The following RDH14 variants were observed in gnomAD, a reference collection of about 807,000 sequenced individuals.
RDH14 encodes the protein retinol dehydrogenase 14.
Under a neutral mutation model 19.3 loss-of-function variants are expected in RDH14, and 17 were observed. The ratio of observed to expected loss-of-function variants is 0.88; its 90% CI spans 0.60 to 1.32. RDH14 has a LOEUF of 1.32. Among genes scored for constraint, RDH14 ranks in the 40% most tolerant of loss-of-function variants. The pLI is 0.00. For missense variants in RDH14, 534 were observed against 449.2 expected (o/e 1.19, Z -1.71); for synonymous variants, 215 against 188.9 (o/e 1.14, Z -1.13).
chr2:18,555,935 G>T, intron 1 of RDH14, 127 bp from the exon 2 acceptor site: 1 of 1,441,444 alleles, frequency 6.9e-7, no homozygotes. Flanking sequence ...AATTTCAGTT[G>T]TTGGTCTATC....
Position 18,555,444 on chromosome 2 carries a change from T to C in RDH14, c.758A>G (p.Asn253Ser). 6.2e-7 allele frequency: 1 copy of C among 1,614,148 alleles called. No homozygotes were observed. The highest frequency in any genetic ancestry group is 8.5e-7 in the Non-Finnish European group (1 of 1,180,002). ...TGGAATGTGTATGTGCCTCCCCAGA[T>C]TTGTCCGTACAATACCAGGATGCAA... is the stretch of plus-strand genomic sequence containing the variant. ...NVLHPGIVRTNLGRHIHIPLL... is the reference protein window; with the variant it reads ...NVLHPGIVRTSLGRHIHIPLL... The change falls in exon 2 of 2, where the codon AAT becomes AGT. Residue 253 changes from asparagine to serine, a missense_variant. Physicochemically the swap from Asn to Ser is conservative, Grantham distance 46. Transcript: ENST00000381249.
In RDH14 at chr2:18,560,553, G is replaced by A. The variant is rs1311285433; in HGVS notation, c.20C>T (p.Ala7Val). The stretch of plus-strand genomic sequence containing the variant: ...CCCGCCCAGAGCGGCCAGTACTGCC[G>A]CCGCAGTGGCCACTGCCATCGTCAG... MAVATA[A>V]AVLAALGGAL... The change falls in exon 1 of 2, where the codon GCG (alanine) becomes GTG (valine). Residue 7 changes from alanine to valine, a missense_variant. Coordinates refer to ENST00000381249, the MANE Select transcript of RDH14 (RefSeq NM_020905.4). The A allele has an allele frequency of 1.3e-6, 2 of 1,493,616 alleles. No homozygotes were observed. Among genetic ancestry groups the A allele is most frequent in the African/African-American group, 1.5e-5 (1 of 68,670 alleles). The allele number at this position is 1,493,616 out of a possible 1,614,324, so 92.5% of individuals were successfully genotyped here.
rs1172931056 is a variant in RDH14 at position 18,555,196 on chromosome 2, T to G, written c.1006A>C (p.Lys336Gln). The G allele has an allele frequency of 3.7e-6, 6 of 1,612,776 alleles. No homozygotes were observed. Residue 336 changes from lysine (K) to glutamine (Q), a missense_variant, in exon 2 of 2, where the codon AAA (lysine) becomes CAA (glutamine). By Grantham distance (53) the Lys-to-Gln change is moderately conservative (BLOSUM62 1). Coordinates refer to ENST00000381249, the MANE Select transcript of RDH14 (RefSeq NM_020905.4). ...AGCTCTTTTACTCCTTGTTCCTATT[T>G]TAGCAGGCCAACCATCACTTCACTG... Reference protein sequence around the residue: ...DISEVMVGLLK With the variant: ...DISEVMVGLLQ
intron 1 of RDH14, among the ~76,000 whole-genome samples, chr2:18,556,548 T>A (rs1289560774): frequency 6.6e-6 from 1 of 152,168 alleles, no homozygotes; most frequent in Admixed American, 6.5e-5. Flanking sequence ...TGTCACCACA[T>A]CTAATTCCAA....
Position 18,554,999 on chromosome 2 carries a change from C to T in RDH14, c.*192G>A, listed in dbSNP as rs1663868997. ...TTATACTTACTATATATATTTAAAA[C>T]ATCTTTGCTGAAATTCTCTTATCCC... On this transcript the variant is annotated 3_prime_UTR_variant, in exon 2 of 2. Transcript: ENST00000381249. 1.4e-6 allele frequency: 1 copy of T among 690,812 alleles called. No individual in the cohort carries two copies. Among genetic ancestry groups the T allele is most frequent in the South Asian group, 2.4e-5 (1 of 40,910 alleles). 42.8% of individuals were successfully genotyped at this position (690,812 alleles called of 1,614,324 possible).
At chr2:18,559,152 A>T (rs1016402944) in intron 1 of RDH14, among the ~76,000 whole-genome samples, 1 of 152,238 alleles carries the variant, frequency 6.6e-6, no homozygotes, top group Non-Finnish European at 1.5e-5. Flanking sequence ...TACGTCATAT[A>T]GGCACCTTTC....
chr2:18,554,918 C>T lies in RDH14; in HGVS notation c.*273G>A, dbSNP rs1282279424. 3.1e-6 allele frequency: 1 copy of T among 319,390 alleles called. No homozygotes were observed. Among genetic ancestry groups the T allele is most frequent in the Non-Finnish European group, 5.7e-6 (1 of 176,928 alleles). The allele number at this position is 319,390 out of a possible 1,614,324, so 19.8% of individuals were successfully genotyped here. A position where few individuals can be genotyped will look rare whatever the true frequency, so the allele number is the denominator to read the frequency against. ...GACAAATATTAATATGTCATCCATG[C>T]TTGCCCAGTTATAATTTTACAATAT... is the stretch of plus-strand genomic sequence containing the variant. On this transcript the variant is annotated 3_prime_UTR_variant, in exon 2 of 2. Transcript: ENST00000381249.
intron 1 of RDH14, among the ~76,000 whole-genome samples, chr2:18,559,012 C>A (rs1263484107): frequency 6.6e-6 from 1 of 152,180 alleles, no homozygotes; most frequent in Non-Finnish European, 1.5e-5. Context: ...GGTTCTGCCA[C>A]GGGTGCATCC....
In RDH14 at chr2:18,560,577, A is replaced by T; in HGVS notation, c.-5T>A. The stretch of plus-strand genomic sequence containing the variant: ...CGCCGCAGTGGCCACTGCCATCGTC[A>T]GGCCCGAGGGCCCACCGGCCCCTCC... On this transcript the variant is annotated 5_prime_UTR_variant, in exon 1 of 2. Transcript: ENST00000381249. 6.9e-7 allele frequency: 1 copy of T among 1,448,130 alleles called. No homozygotes were observed. The highest frequency in any genetic ancestry group is 9.0e-7 in the Non-Finnish European group (1 of 1,112,188). The allele number at this position is 1,448,130 out of a possible 1,614,324, so 89.7% of individuals were successfully genotyped here.
chr2:18,560,493 G>C lies in RDH14; in HGVS notation c.80C>G (p.Pro27Arg), dbSNP rs527352838. 2 of 1,514,640 alleles carry C rather than the reference G, an allele frequency of 1.3e-6. No homozygotes were observed. The highest frequency in any genetic ancestry group is 2.4e-5 in the South Asian group (2 of 82,326). The allele number at this position is 1,514,640 out of a possible 1,614,324, so 93.8% of individuals were successfully genotyped here. Residue 27 changes from proline to arginine, a missense_variant, in exon 1 of 2, where the codon CCC becomes CGC. By Grantham distance (103) the Pro-to-Arg change is moderately radical (BLOSUM62 -2). Transcript: ENST00000381249. Reference protein sequence around the residue: ...LWLAARRFVGPRVQRLRRGGD... With the variant: ...LWLAARRFVGRRVQRLRRGGD... ...GCCTCTGCGCAGCCGCTGGACCCTG[G>C]GCCCCACGAACCGGCGGGCCGCCAG...
intron 1 of RDH14, among the ~76,000 whole-genome samples, chr2:18,558,092 T>C (rs189558670): frequency 4.1e-4 from 62 of 152,320 alleles, no homozygotes; most frequent in African/African-American, 1.4e-3. Context: ...CTATATTCCT[T>C]TCAATGACAT....
chr2:18,560,526 GC>G lies in RDH14; in HGVS notation c.46del (p.Ala16ArgfsTer32). Reference sequence around the variant, plus strand: ...GAACCGGCGGGCCGCCAGCCACAGCGCCCCGCCCAGAGCGGCCAGTACTGCC... The same window carrying G: ...GAACCGGCGGGCCGCCAGCCACAGCGCCCGCCCAGAGCGGCCAGTACTGCC... The part of the protein sequence containing the change: ...AAAVLAALGG[A>X]LWLAARRFVG... On this transcript the variant is annotated frameshift_variant, in exon 1 of 2. Transcript: ENST00000381249. LOFTEE classifies it high-confidence loss of function. The G allele has an allele frequency of 6.6e-7, 1 of 1,508,930 alleles. No individual in the cohort carries two copies. The highest frequency in any genetic ancestry group is 2.1e-5 in the Admixed American group (1 of 48,378). 93.5% of individuals were successfully genotyped at this position (1,508,930 alleles called of 1,614,324 possible).
intron 1 of RDH14, among the ~76,000 whole-genome samples, chr2:18,556,900 AG>A (rs1281998008): frequency 6.6e-6 from 1 of 152,222 alleles, no homozygotes; most frequent in African/African-American, 2.4e-5. Context: ...TTTCCTTAAA[AG>A]TGAAACAAGC....
In RDH14 at chr2:18,560,634, A is replaced by G; in HGVS notation, c.-62T>C. 3 of 1,372,586 alleles carry G rather than the reference A, an allele frequency of 2.2e-6. No homozygotes were observed. Among genetic ancestry groups the G allele is most frequent in the Admixed American group, 3.8e-5 (1 of 26,042 alleles). 85.0% of individuals were successfully genotyped at this position (1,372,586 alleles called of 1,614,324 possible). ...GTTCCGCAGCCGCCGCCTTACCGGA[A>G]CCCAAGAGACCACCTGTACGCGGAG... On this transcript the variant is annotated 5_prime_UTR_variant, in exon 1 of 2. Coordinates refer to ENST00000381249, the MANE Select transcript of RDH14 (RefSeq NM_020905.4).
At position 18,555,152 on chromosome 2, in the gene RDH14, G is replaced by A. The variant is rs370947814; in HGVS notation, c.*39C>T. On this transcript the variant is annotated 3_prime_UTR_variant, in exon 2 of 2. Coordinates refer to ENST00000381249, the MANE Select transcript of RDH14 (RefSeq NM_020905.4). ...ACCATTCCTGATCACAGATATAACT[G>A]ATATGCAGTTTTATAAACAGCTCTT... The A allele has an allele frequency of 8.1e-4, 1,298 of 1,594,360 alleles. 12 individuals are homozygous for A. Among genetic ancestry groups the A allele is most frequent in the Non-Finnish European group, 1.7e-4 (194 of 1,169,842 alleles).
At chr2:18,560,069 G>C in intron 1 of RDH14, 111 bp downstream of exon 1, 1 of 1,223,076 alleles carries the variant, frequency 8.2e-7, no homozygotes, top group Non-Finnish European at 1.1e-6. Context: ...CGGTTCCCAA[G>C]GTGACACCCT....
chr2:18,555,060 T>C lies in RDH14; in HGVS notation c.*131A>G. Reference sequence around the variant, plus strand: ...TTTCAGTAACTCCAAAATACCCACATGTACCTCTTAGCAGGCTATTCCAAT... The same window carrying C: ...TTTCAGTAACTCCAAAATACCCACACGTACCTCTTAGCAGGCTATTCCAAT... On this transcript the variant is annotated 3_prime_UTR_variant, in exon 2 of 2. Coordinates refer to ENST00000381249, the MANE Select transcript of RDH14 (RefSeq NM_020905.4). 1 of 1,410,050 alleles carries C rather than the reference T, an allele frequency of 7.1e-7. No individual in the cohort carries two copies. The highest frequency in any genetic ancestry group is 1.4e-5 in the African/African-American group (1 of 69,674). The allele number at this position is 1,410,050 out of a possible 1,614,324, so 87.3% of individuals were successfully genotyped here.
Position 18,560,632 on chromosome 2 carries a change from G to C in RDH14, c.-60C>G, listed in dbSNP as rs958340471. On this transcript the variant is annotated 5_prime_UTR_variant, in exon 1 of 2. Coordinates refer to ENST00000381249, the MANE Select transcript of RDH14 (RefSeq NM_020905.4). ...GAGTTCCGCAGCCGCCGCCTTACCG[G>C]AACCCAAGAGACCACCTGTACGCGG... 22 of 1,375,844 alleles carry C rather than the reference G, an allele frequency of 1.6e-5. No individual in the cohort carries two copies. In the African/African-American group the frequency reaches 3.2e-4, roughly 20 times the overall value. 85.2% of individuals were successfully genotyped at this position (1,375,844 alleles called of 1,614,324 possible).
At position 18,555,759 on chromosome 2, in the gene RDH14, C is replaced by A. The variant is rs1250378526; in HGVS notation, c.443G>T (p.Cys148Phe). ...CCCATCTTCAGTCTTCATGTAAGGG[C>A]ACTGGAAGATCCCTGCGTTATTGAT... is the stretch of plus-strand genomic sequence containing the variant. ...VLINNAGIFQ[C>F]PYMKTEDGFE... The change falls in exon 2 of 2, where the codon TGC becomes TTC. Residue 148 changes from cysteine (C) to phenylalanine (F), a missense_variant. By Grantham distance (205) the Cys-to-Phe change is radical. Transcript: ENST00000381249. 6.2e-7 allele frequency: 1 copy of A among 1,613,738 alleles called. No homozygotes were observed. Among genetic ancestry groups the A allele is most frequent in the Non-Finnish European group, 8.5e-7 (1 of 1,179,782 alleles).
Sources: gnomAD v4.1 joint callset for allele counts (sites outside exome capture counted in the v4.1 genomes callset) on GRCh38, gnomAD v4.1.1 for gene constraint, MANE v1.5 for transcripts, NCBI Gene and HGNC (gene_info 2026-07-23, HGNC 2026-07-21) for gene names.